Variants in SPAG16 observed in about 807,000 individuals in gnomAD.
The protein encoded by SPAG16 is sperm-associated antigen 16 protein.
Under a neutral mutation model 80.4 loss-of-function variants are expected in SPAG16, and 86 were observed. The ratio of observed to expected loss-of-function variants is 1.07; its 90% CI spans 0.90 to 1.28. The LOEUF (loss-of-function observed/expected upper bound fraction) is 1.28. Ranked by LOEUF, SPAG16 falls within the 50% of genes most tolerant of loss-of-function variation. The pLI is 0.00. For synonymous variants in SPAG16, 294 were observed against 265.9 expected (o/e 1.11, Z -1.03); for missense variants, 870 against 765.3 (o/e 1.14, Z -1.61).
At chr2:213,698,601 C>G (rs886623730) in intron 10 of SPAG16, among the ~76,000 whole-genome samples, 1 of 152,114 alleles carries the variant, frequency 6.6e-6, no homozygotes, top group Non-Finnish European at 1.5e-5. Flanking sequence ...TTTTCTCATT[C>G]TACATATTCT....
At chr2:213,521,194 T>A (rs2125848632) in intron 10 of SPAG16, among the ~76,000 whole-genome samples, 1 of 152,276 alleles carries the variant, frequency 6.6e-6, no homozygotes, top group African/African-American at 2.4e-5. Context: ...TGGTGGATGT[T>A]TTCTGCTTAC....
intron 9 of SPAG16, among the ~76,000 whole-genome samples, chr2:213,440,484 G>A (rs549634208): frequency 6.6e-6 from 1 of 152,196 alleles, no homozygotes; most frequent in African/African-American, 2.4e-5. Context: ...GAACCCAGGA[G>A]GCTGAACTTG....
rs1167138992 is a variant in SPAG16 at position 213,865,217 on chromosome 2, TA to T, written c.1214+2592del. Among the ~76,000 whole-genome samples, 5 of 152,150 alleles carry T rather than the reference TA, an allele frequency of 3.3e-5. No individual in the cohort carries two copies. In the East Asian group the frequency reaches 9.6e-4, roughly 29 times the overall value. On this transcript the variant is annotated intron_variant, in intron 11 of 15. Transcript: ENST00000331683. The stretch of plus-strand genomic sequence containing the variant: ...TTATGGTTCAATTTTCAAAAAGGCA[TA>T]AATTCTTTACCCAAAATCTAGCATA...
intron 12 of SPAG16, among the ~76,000 whole-genome samples, chr2:213,954,519 T>G (rs1373443235): frequency 6.6e-6 from 1 of 152,134 alleles, no homozygotes; most frequent in Admixed American, 6.6e-5. Flanking sequence ...TTATTTTACT[T>G]TAAGTTCTGG....
intron 5 of SPAG16, among the ~76,000 whole-genome samples, chr2:213,335,927 C>G (rs1367740701): frequency 6.7e-6 from 1 of 149,018 alleles, no homozygotes; most frequent in African/African-American, 2.5e-5. Flanking sequence ...CAAATAGAAA[C>G]AGCTCCACTC....
At chr2:214,088,293 G>A (rs2051919086) in intron 13 of SPAG16, among the ~76,000 whole-genome samples, 1 of 151,824 alleles carries the variant, frequency 6.6e-6, no homozygotes, top group Non-Finnish European at 1.5e-5. Flanking sequence ...TGAAGAAAGT[G>A]CAACCATACC....
chr2:213,547,314 G>A (rs1005173653), intron 10 of SPAG16, among the ~76,000 whole-genome samples: 10 of 151,980 alleles, frequency 6.6e-5, no homozygotes, highest in African/African-American at 1.4e-4. Flanking sequence ...TTATTTTATC[G>A]AAAGAGAAAT....
At chr2:213,980,723 T>TAGAGAG (rs1479670816) in intron 12 of SPAG16, among the ~76,000 whole-genome samples, 13 of 93,970 alleles carry the variant, frequency 1.4e-4, no homozygotes, top group African/African-American at 7.9e-4. Flanking sequence ...TATATATATA[T>TAGAGAG]ATAGAGAGAG....
chr2:214,085,863 CA>C, intron 13 of SPAG16, among the ~76,000 whole-genome samples: 1 of 152,308 alleles, frequency 6.6e-6, no homozygotes, highest in Non-Finnish European at 1.5e-5. Context: ...TCACAAACAG[CA>C]CTTTTGCGTG....
intron 10 of SPAG16, among the ~76,000 whole-genome samples, chr2:213,752,663 C>G (rs113618034): frequency 0.038 from 5,748 of 152,202 alleles, 351 homozygotes; most frequent in African/African-American, 0.13. Flanking sequence ...TTGCTGCCTT[C>G]TTACTCTTTT....
chr2:214,098,654 T>A (rs1576184163), intron 13 of SPAG16, among the ~76,000 whole-genome samples: 1 of 152,098 alleles, frequency 6.6e-6, no homozygotes, highest in Non-Finnish European at 1.5e-5. Context: ...CACTTTGTTA[T>A]GGTAGCTTTA....
chr2:214,161,621 A>C (rs960684977), intron 15 of SPAG16, among the ~76,000 whole-genome samples: 1 of 151,902 alleles, frequency 6.6e-6, no homozygotes, highest in South Asian at 2.1e-4. Flanking sequence ...TGTCTGTTGG[A>C]CAGTGAGAGC....
intron 10 of SPAG16, among the ~76,000 whole-genome samples, chr2:213,769,264 T>A (rs1178503584): frequency 6.6e-6 from 1 of 152,210 alleles, no homozygotes; most frequent in Non-Finnish European, 1.5e-5. Flanking sequence ...TTTCTCCTCC[T>A]TTTATATATC....
intron 13 of SPAG16, among the ~76,000 whole-genome samples, chr2:214,078,979 C>T (rs949456933): frequency 6.6e-6 from 1 of 152,110 alleles, no homozygotes; most frequent in African/African-American, 2.4e-5. Context: ...CAACAACCAA[C>T]GAGAAGCTGG....
intron 1 of SPAG16, 131 bp downstream of exon 1, chr2:213,284,750 A>C: frequency 1.5e-6 from 2 of 1,332,094 alleles, no homozygotes; most frequent in Non-Finnish European, 2.0e-6. Flanking sequence ...TTGGACTTCA[A>C]GGTGCTGTTT....
At chr2:214,389,145 TCAAGA>T (rs749637135) in intron 15 of SPAG16, among the ~76,000 whole-genome samples, 3 of 152,176 alleles carry the variant, frequency 2.0e-5, no homozygotes, top group Non-Finnish European at 2.9e-5. Flanking sequence ...TAAAATATAA[TCAAGA>T]CAAGTCAAGC....
At chr2:213,789,108 A>G (rs1218920315) in intron 10 of SPAG16, among the ~76,000 whole-genome samples, 1 of 151,968 alleles carries the variant, frequency 6.6e-6, no homozygotes, top group African/African-American at 2.4e-5. Context: ...AATCACCATA[A>G]TTGTACTGAA....
In SPAG16 at chr2:214,191,435, G is replaced by A. The variant is rs117888725; in HGVS notation, c.1720+42169G>A. On this transcript the variant is annotated intron_variant, in intron 15 of 15. Coordinates refer to ENST00000331683, the MANE Select transcript of SPAG16 (RefSeq NM_024532.5). ...AAGTTAGAAAGGAAAAACCAGGGCCGGGCATGGTGGCTCACTCCTGTAATC... is the reference window on the plus strand; with the variant it reads ...AAGTTAGAAAGGAAAAACCAGGGCCAGGCATGGTGGCTCACTCCTGTAATC... Among the ~76,000 whole-genome samples, 441 of 151,926 alleles carry A rather than the reference G, an allele frequency of 2.9e-3. 7 individuals carry two copies. Among genetic ancestry groups the A allele is most frequent in the East Asian group, 0.022 (114 of 5,150 alleles).
intron 3 of SPAG16, among the ~76,000 whole-genome samples, chr2:213,297,820 A>T (rs1046646060): frequency 3.9e-5 from 6 of 152,152 alleles, no homozygotes; most frequent in African/African-American, 9.7e-5. Flanking sequence ...TTTTGATTAT[A>T]ATACAATGAA....
Sources: gnomAD v4.1 joint callset for allele counts (sites outside exome capture counted in the v4.1 genomes callset) on GRCh38, gnomAD v4.1.1 for gene constraint, MANE v1.5 for transcripts, NCBI Gene and HGNC (gene_info 2026-07-23, HGNC 2026-07-21) for gene names.